The following ETV1 variants were observed in gnomAD, a reference collection of about 807,000 sequenced individuals.
ETV1 encodes the protein ETS translocation variant 1.
Under a neutral mutation model 62.3 loss-of-function variants are expected in ETV1, and 27 were observed. That is an observed-to-expected ratio of 0.43 (90% CI 0.32 to 0.60). The LOEUF (loss-of-function observed/expected upper bound fraction) is 0.60. Ranked by LOEUF, ETV1 falls within the 20% of genes least tolerant of loss-of-function variation. The pLI, the probability that ETV1 is intolerant of heterozygous loss-of-function variation, is 0.06. For synonymous variants in ETV1, 222 were observed against 199.6 expected (o/e 1.11, Z -0.94); for missense variants, 605 against 605.8 (o/e 1.00, Z 0.01).
At chr7:13,938,984 A>T in intron 7 of ETV1, 133 bp downstream of exon 7, 1 of 820,342 alleles carries the variant, frequency 1.2e-6, no homozygotes, top group Non-Finnish European at 1.9e-6. Flanking sequence ...AGTTCTGCTA[A>T]ATGCATTACC....
intron 6 of ETV1, among the ~76,000 whole-genome samples, chr7:13,970,002 A>G (rs1001850504): frequency 6.6e-6 from 1 of 152,066 alleles, no homozygotes; most frequent in Non-Finnish European, 1.5e-5. Flanking sequence ...CACGCCTGTA[A>G]TCCCAGCACT....
chr7:13,944,444 G>T (rs1007926371), intron 6 of ETV1, among the ~76,000 whole-genome samples: 4 of 152,030 alleles, frequency 2.6e-5, no homozygotes, highest in African/African-American at 9.7e-5. Context: ...AGGGAATAGG[G>T]GCACTAATCC....
intron 9 of ETV1, among the ~76,000 whole-genome samples, chr7:13,919,890 CAGAGAG>C (rs34895274): frequency 8.0e-5 from 12 of 149,334 alleles, no homozygotes; most frequent in Admixed American, 6.0e-4. Context: ...GACACACACA[CAGAGAG>C]AGAGAGAGAG....
intron 9 of ETV1, among the ~76,000 whole-genome samples, chr7:13,920,705 C>G (rs764545510): frequency 1.8e-4 from 28 of 152,296 alleles, no homozygotes; most frequent in Non-Finnish European, 2.9e-4. Context: ...ACTCTCAAAT[C>G]AAATCACTAG....
At chr7:13,987,816 C>T (rs1782681792) in intron 4 of ETV1, among the ~76,000 whole-genome samples, 1 of 152,130 alleles carries the variant, frequency 6.6e-6, no homozygotes, top group South Asian at 2.1e-4. Flanking sequence ...GCCCCATGGA[C>T]AAAGGTATTT....
At chr7:13,953,157 T>G (rs1458984094) in intron 6 of ETV1, among the ~76,000 whole-genome samples, 1 of 152,140 alleles carries the variant, frequency 6.6e-6, no homozygotes, top group Non-Finnish European at 1.5e-5. Context: ...AGCCCAAACA[T>G]ACAGTACTTC....
At position 13,931,522 on chromosome 7, in the gene ETV1, C is replaced by A; in HGVS notation, c.782G>T (p.Arg261Ile). Residue 261 changes from arginine to isoleucine, a missense_variant, in exon 9 of 14, where the codon AGA becomes ATA. By Grantham distance (97) the Arg-to-Ile change is moderately conservative. Coordinates refer to ENST00000430479, the MANE Select transcript of ETV1 (RefSeq NM_004956.5). ...CCTACCTGAGTCATATGCAAAATCTCTGGGTTCCTGTTTAATCATCAGAGG... is the reference window on the plus strand; with the variant it reads ...CCTACCTGAGTCATATGCAAAATCTATGGGTTCCTGTTTAATCATCAGAGG... ...PPPLMIKQEP[R>I]DFAYDSEVPS... is the part of the protein sequence containing the mutation. The A allele has an allele frequency of 6.2e-7, 1 of 1,614,044 alleles. No homozygotes were observed. Among genetic ancestry groups the A allele is most frequent in the African/African-American group, 1.3e-5 (1 of 75,078 alleles).
chr7:13,967,371 T>C (rs960024797), intron 6 of ETV1, among the ~76,000 whole-genome samples: 2 of 152,104 alleles, frequency 1.3e-5, no homozygotes, highest in Non-Finnish European at 1.5e-5. Context: ...TGCTAAACTC[T>C]AGATTTACAA....
chr7:13,929,273 G>C (rs1785805655), intron 9 of ETV1, among the ~76,000 whole-genome samples: 1 of 152,278 alleles, frequency 6.6e-6, no homozygotes, highest in South Asian at 2.1e-4. Context: ...GGAATTTCAA[G>C]ATACTCCCCA....
intron 9 of ETV1, among the ~76,000 whole-genome samples, chr7:13,928,611 T>G (rs1170272244): frequency 6.6e-6 from 1 of 150,832 alleles, no homozygotes; most frequent in Non-Finnish European, 1.5e-5. Context: ...AGACTCCATC[T>G]CAAAAAAAAA....
At chr7:13,914,245 G>A (rs1440725622) in intron 9 of ETV1, among the ~76,000 whole-genome samples, 1 of 151,848 alleles carries the variant, frequency 6.6e-6, no homozygotes, top group Non-Finnish European at 1.5e-5. Flanking sequence ...CTCCTAAAGC[G>A]CTCTGGTTTT....
Position 13,989,105 on chromosome 7 carries a change from C to G in ETV1, c.-53G>C, listed in dbSNP as rs1447596664. ...AGTATTTTATATTTTGAGCATTTAG[C>G]TGGAGATTTCCTCAGGATCTGGACT... On this transcript the variant is annotated 5_prime_UTR_variant, in exon 3 of 14. Coordinates refer to ENST00000430479, the MANE Select transcript of ETV1 (RefSeq NM_004956.5). 1 of 1,485,742 alleles carries G rather than the reference C, an allele frequency of 6.7e-7. No homozygotes were observed. Among genetic ancestry groups the G allele is most frequent in the Non-Finnish European group, 9.2e-7 (1 of 1,082,848 alleles). 92.0% of individuals were successfully genotyped at this position (1,485,742 alleles called of 1,614,324 possible). A position where few individuals can be genotyped will look rare whatever the true frequency, so the allele number is the denominator to read the frequency against.
chr7:13,904,950 C>T (rs1393876845), intron 12 of ETV1, among the ~76,000 whole-genome samples: 2 of 147,872 alleles, frequency 1.4e-5, no homozygotes, highest in Non-Finnish European at 3.0e-5. Context: ...AACACCCAAA[C>T]GTCATCCTAG....
intron 6 of ETV1, among the ~76,000 whole-genome samples, chr7:13,958,214 C>T (rs796525400): frequency 5.3e-5 from 8 of 152,242 alleles, no homozygotes; most frequent in African/African-American, 1.7e-4. Flanking sequence ...ATACCCTTTG[C>T]TTTTTTCTTT....
intron 13 of ETV1, among the ~76,000 whole-genome samples, chr7:13,896,770 A>AAGAAAG (rs1781871818): frequency 6.7e-6 from 1 of 149,830 alleles, no homozygotes; most frequent in Non-Finnish European, 1.5e-5. Context: ...GAAAGAAAGA[A>AAGAAAG]AGAAAGAAAG....
At chr7:13,987,368 T>C (rs1782642049) in intron 4 of ETV1, among the ~76,000 whole-genome samples, 1 of 152,154 alleles carries the variant, frequency 6.6e-6, no homozygotes, top group African/African-American at 2.4e-5. Context: ...GAATTCAGTA[T>C]ATCTAATTAA....
intron 13 of ETV1, among the ~76,000 whole-genome samples, chr7:13,897,024 T>C (rs1015796190): frequency 6.6e-6 from 1 of 152,230 alleles, no homozygotes; most frequent in Non-Finnish European, 1.5e-5. Flanking sequence ...GCATAATTTA[T>C]AGGGTATGAC....
intron 9 of ETV1, among the ~76,000 whole-genome samples, chr7:13,925,118 T>C (rs1785259663): frequency 6.6e-6 from 1 of 152,210 alleles, no homozygotes; most frequent in Non-Finnish European, 1.5e-5. Flanking sequence ...TTGTCCTTTA[T>C]TTTCTTATTT....
At chr7:13,957,134 G>A (rs1789564022) in intron 6 of ETV1, among the ~76,000 whole-genome samples, 1 of 151,822 alleles carries the variant, frequency 6.6e-6, no homozygotes. Context: ...CGCCCAGGCT[G>A]GAGTGCAGTG....
Sources: gnomAD v4.1 joint callset for allele counts (sites outside exome capture counted in the v4.1 genomes callset) on GRCh38, gnomAD v4.1.1 for gene constraint, MANE v1.5 for transcripts, NCBI Gene and HGNC (gene_info 2026-07-23, HGNC 2026-07-21) for gene names.